The following GMDS variants were observed in gnomAD, a reference collection of about 807,000 sequenced individuals.
GMDS encodes the protein GDP-mannose 4,6-dehydratase, also known as GDP-mannose 4,6 dehydratase.
In GMDS, 20 loss-of-function variants were observed where a neutral mutation model predicts 49.9. The observed-to-expected ratio is 0.40, with a 90% CI of 0.28 to 0.58. The LOEUF is 0.58. Among genes scored for constraint, GMDS ranks in the 20% least tolerant of loss-of-function variants. The pLI, the probability that GMDS is intolerant of heterozygous loss-of-function variation, is 0.42. For synonymous variants in GMDS, 177 were observed against 178.6 expected (o/e 0.99, Z 0.07); for missense variants, 362 against 481.4 (o/e 0.75, Z 2.32).
intron 8 of GMDS, among the ~76,000 whole-genome samples, chr6:1,726,793 T>C (rs1236986936): frequency 6.6e-6 from 1 of 152,166 alleles, no homozygotes; most frequent in Admixed American, 6.5e-5. Context: ...GAAAATAAAA[T>C]TGGGCAACTT....
At chr6:1,975,300 CA>C (rs375577379) in intron 4 of GMDS, among the ~76,000 whole-genome samples, 107 of 152,230 alleles carry the variant, frequency 7.0e-4, no homozygotes, top group African/African-American at 2.5e-3. Flanking sequence ...AACCCATGGA[CA>C]TAATTCACCT....
At chr6:2,185,213 G>C (rs1423136055) in intron 1 of GMDS, among the ~76,000 whole-genome samples, 5 of 152,126 alleles carry the variant, frequency 3.3e-5, no homozygotes. Flanking sequence ...AATGAAAGCT[G>C]GGATACAATT....
intron 4 of GMDS, among the ~76,000 whole-genome samples, chr6:2,112,713 A>G (rs948940911): frequency 1.3e-5 from 2 of 152,126 alleles, no homozygotes; most frequent in Non-Finnish European, 2.9e-5. Flanking sequence ...CACATCACTA[A>G]AATGTTTCTT....
At chr6:2,069,941 T>C (rs1309499418) in intron 4 of GMDS, among the ~76,000 whole-genome samples, 2 of 151,976 alleles carry the variant, frequency 1.3e-5, no homozygotes, top group Non-Finnish European at 2.9e-5. Context: ...GAATTATAAA[T>C]CATGCTGCTA....
chr6:2,066,292 G>A (rs1223254918), intron 4 of GMDS, among the ~76,000 whole-genome samples: 156 of 148,478 alleles, frequency 1.1e-3, no homozygotes, highest in Non-Finnish European at 1.7e-3. Context: ...AGGAACAACC[G>A]GTACCAGCCA....
intron 9 of GMDS, among the ~76,000 whole-genome samples, chr6:1,655,202 A>G (rs1763833477): frequency 6.6e-6 from 1 of 152,200 alleles, no homozygotes; most frequent in African/African-American, 2.4e-5. Flanking sequence ...GTCACACTAG[A>G]GCTACTTCCT....
intron 4 of GMDS, among the ~76,000 whole-genome samples, chr6:2,008,944 G>A (rs571229484): frequency 1.3e-5 from 2 of 152,328 alleles, no homozygotes; most frequent in African/African-American, 4.8e-5. Context: ...CAAGTTGCTA[G>A]ATTGGTAACT....
chr6:1,769,915 T>TTTTTAGA (rs1257471310), intron 7 of GMDS, among the ~76,000 whole-genome samples: 2 of 152,094 alleles, frequency 1.3e-5, no homozygotes, highest in Non-Finnish European at 2.9e-5. Flanking sequence ...TTAGAGGAGA[T>TTTTTAGA]GGGGTTTTGC....
chr6:1,929,966 G>A (rs2127238442), intron 7 of GMDS, 137 bp downstream of exon 7: 1 of 710,498 alleles, frequency 1.4e-6, no homozygotes, highest in South Asian at 2.2e-5. Flanking sequence ...AGTGAAAGCA[G>A]CATGAGTGTA....
chr6:1,834,143 A>G (rs947331392), intron 7 of GMDS, among the ~76,000 whole-genome samples: 1 of 152,224 alleles, frequency 6.6e-6, no homozygotes, highest in Non-Finnish European at 1.5e-5. Flanking sequence ...GCATGCTTTG[A>G]AATTAAAACA....
At chr6:2,114,032 T>G (rs1774704257) in intron 4 of GMDS, among the ~76,000 whole-genome samples, 1 of 152,138 alleles carries the variant, frequency 6.6e-6, no homozygotes, top group Admixed American at 6.5e-5. Flanking sequence ...AACAAAACAC[T>G]ATCATGATCA....
intron 7 of GMDS, among the ~76,000 whole-genome samples, chr6:1,817,017 T>C (rs1316579055): frequency 3.3e-5 from 5 of 150,236 alleles, no homozygotes; most frequent in Non-Finnish European, 5.9e-5. Flanking sequence ...AAATTTGTCA[T>C]TAGTAAATTA....
At chr6:1,716,120 C>A (rs12200877) in intron 9 of GMDS, among the ~76,000 whole-genome samples, 1 of 152,054 alleles carries the variant, frequency 6.6e-6, no homozygotes, top group Non-Finnish European at 1.5e-5. Context: ...AATAGGGAAA[C>A]ATTTCATTAT....
At chr6:1,707,346 A>C (rs1449895969) in intron 9 of GMDS, among the ~76,000 whole-genome samples, 1 of 152,204 alleles carries the variant, frequency 6.6e-6, no homozygotes, top group African/African-American at 2.4e-5. Flanking sequence ...TGATCCATCT[A>C]TCTATGTATT....
chr6:1,736,590 G>C (rs1018953586), intron 8 of GMDS, among the ~76,000 whole-genome samples: 1 of 152,198 alleles, frequency 6.6e-6, no homozygotes, highest in Non-Finnish European at 1.5e-5. Context: ...CCATCACTCA[G>C]TGTCACAGAT....
chr6:1,920,406 T>C (rs1761656223), intron 7 of GMDS, among the ~76,000 whole-genome samples: 1 of 152,246 alleles, frequency 6.6e-6, no homozygotes, highest in Non-Finnish European at 1.5e-5. Flanking sequence ...TACTTTAGCA[T>C]GCATTCAAAA....
intron 4 of GMDS, among the ~76,000 whole-genome samples, chr6:1,964,551 T>C (rs1415526364): frequency 6.6e-6 from 1 of 152,370 alleles, no homozygotes; most frequent in African/African-American, 2.4e-5. Context: ...TATGTGGATA[T>C]GTTACATTCA....
At chr6:1,825,732 G>T (rs926676927) in intron 7 of GMDS, among the ~76,000 whole-genome samples, 1 of 152,186 alleles carries the variant, frequency 6.6e-6, no homozygotes, top group African/African-American at 2.4e-5. Flanking sequence ...AAAATGGCTG[G>T]GTGCCATGGC....
At chr6:2,012,301 T>C (rs1581513643) in intron 4 of GMDS, among the ~76,000 whole-genome samples, 1 of 152,200 alleles carries the variant, frequency 6.6e-6, no homozygotes, top group African/African-American at 2.4e-5. Flanking sequence ...TCTAATTAGA[T>C]GAATAATTAC....
Sources: gnomAD v4.1 joint callset for allele counts (sites outside exome capture counted in the v4.1 genomes callset) on GRCh38, gnomAD v4.1.1 for gene constraint, MANE v1.5 for transcripts, NCBI Gene and HGNC (gene_info 2026-07-23, HGNC 2026-07-21) for gene names.